The following COL18A1 variants were observed in gnomAD, a reference collection of about 807,000 sequenced individuals.
COL18A1 encodes collagen type XVIII alpha 1 chain, also known as collagen alpha-1(XVIII) chain.
Under a neutral mutation model 168.0 loss-of-function variants are expected in COL18A1, and 133 were observed. The ratio of observed to expected loss-of-function variants is 0.79; its 90% CI spans 0.69 to 0.91. COL18A1 has a LOEUF of 0.91. COL18A1 is among the 40% of genes least tolerant of loss of function. COL18A1 has a pLI of 0.00. For missense variants in COL18A1, 2,126 were observed against 1,925.4 expected, an observed-to-expected ratio of 1.10 and a Z score of -1.95; for synonymous variants, 949 against 809.0, an observed-to-expected ratio of 1.17 and a Z score of -2.94.
At position 45,499,216 on chromosome 21, in the gene COL18A1, G is replaced by A. The variant is rs569256161; in HGVS notation, c.2683+1555G>A. 5.9e-5 allele frequency among the ~76,000 whole-genome samples: 9 copies of A among 152,332 alleles called. No individual in the cohort carries two copies. In the South Asian group the frequency reaches 1.7e-3, roughly 28 times the overall value. ...GTGGTACTCCCGTGGCCTTCAGAAC[G>A]AGGATGACATGCAGGCCAGCCACTC... On this transcript the variant is annotated intron_variant, in intron 32 of 41. Coordinates refer to ENST00000651438, the MANE Select transcript of COL18A1 (RefSeq NM_001379500.1).
chr21:45,482,726 C>T (rs1001322099), intron 14 of COL18A1, 69 bp from the exon 15 acceptor site: 20 of 1,610,356 alleles, frequency 1.2e-5, no homozygotes, highest in African/African-American at 1.3e-5. Flanking sequence ...CCTGGCAGGG[C>T]GATGTGCCTT....
At chr21:45,487,579 C>T (rs1334123423) in intron 17 of COL18A1, 70 bp downstream of exon 17, 1 of 1,587,240 alleles carries the variant, frequency 6.3e-7, no homozygotes, top group Admixed American at 1.7e-5. Flanking sequence ...GGAGAGTGTC[C>T]CTGAGAGCCA....
At chr21:45,490,793 C>G in intron 20 of COL18A1, 43 bp from the exon 21 acceptor site, 1 of 1,545,400 alleles carries the variant, frequency 6.5e-7, no homozygotes, top group Non-Finnish European at 8.8e-7. Flanking sequence ...CCAGGGGCTC[C>G]TGTTTCTGTT....
rs765035951 is a variant in COL18A1 at position 45,477,477 on chromosome 21, G to T, written c.995G>T (p.Arg332Leu). The T allele has an allele frequency of 3.7e-6, 6 of 1,610,066 alleles. No individual in the cohort carries two copies. The highest frequency in any genetic ancestry group is 5.1e-6 in the Non-Finnish European group (6 of 1,178,292). The change falls in exon 7 of 42, where the codon CGC (arginine) becomes CTC (leucine). Residue 332 changes from arginine (R) to leucine (L), a missense_variant. Coordinates refer to ENST00000651438, the MANE Select transcript of COL18A1 (RefSeq NM_001379500.1). ...GGGAGTGTCCGGACCCCTGGGGGCC[G>T]CGTGAAAGAGGTAAGGCCACCTCCC... ...WDGSVRTPGGRVKEGGLKGQK... is the reference protein window; with the variant it reads ...WDGSVRTPGGLVKEGGLKGQK...
chr21:45,467,200 C>G, intron 2 of COL18A1: 1 of 975,996 alleles, frequency 1.0e-6, no homozygotes, highest in Non-Finnish European at 1.2e-6. Flanking sequence ...GCCCCCCTCC[C>G]GTGGGCAGGA....
rs547229026 is a variant in COL18A1, at chr21:45,504,571, G to A, written c.2868+15G>A. ...CTGGGATTCCAGTAAGTCCCAGCCT[G>A]TGCAGGCAGAGCCCATGTCCCAGGG... On this transcript the variant is annotated intron_variant, in intron 34 of 41. Coordinates refer to ENST00000651438, the MANE Select transcript of COL18A1 (RefSeq NM_001379500.1). 2.8e-5 allele frequency: 44 copies of A among 1,564,492 alleles called. No homozygotes were observed. In the African/African-American group the frequency reaches 5.6e-4, roughly 20 times the overall value.
At chr21:45,437,184 TCACA>T (rs1427307395) in intron 2 of COL18A1, among the ~76,000 whole-genome samples, 37 of 41,532 alleles carry the variant, frequency 8.9e-4, no homozygotes, top group African/African-American at 4.6e-3. Context: ...GCACACACAC[TCACA>T]CAGACACACA....
Position 45,494,566 on chromosome 21 carries a change from C to A in COL18A1, c.2374C>A (p.Pro792Thr). Residue 792 changes from proline (P) to threonine (T), a missense_variant, in exon 27 of 42, where the codon CCC becomes ACC. Pro to Thr is a conservative substitution (Grantham distance 38). Transcript: ENST00000651438. ...TCAGGGAGAGCCGGGCTTCCGAGGACCCCCGGTAAGTCGGTCCCTGGCTTT... is the reference window on the plus strand; with the variant it reads ...TCAGGGAGAGCCGGGCTTCCGAGGAACCCCGGTAAGTCGGTCCCTGGCTTT... ...GAKGEPGFRG[P>T]PGPYGRPGYK... The A allele has an allele frequency of 6.2e-7, 1 of 1,613,232 alleles. No individual in the cohort carries two copies. Among genetic ancestry groups the A allele is most frequent in the Non-Finnish European group, 8.5e-7 (1 of 1,179,976 alleles).
rs1013244908 is a variant in COL18A1, at chr21:45,498,423, G to A, written c.2683+762G>A. Reference sequence around the variant, plus strand: ...CTCGCCGCCAGGGTCCCCTCTCGCCGCCACGGTCCCCTCTCGCCGCCAGGG... The same window carrying A: ...CTCGCCGCCAGGGTCCCCTCTCGCCACCACGGTCCCCTCTCGCCGCCAGGG... On this transcript the variant is annotated intron_variant, in intron 32 of 41. Transcript: ENST00000651438. The surrounding 1 kb of genome is among the most constrained non-coding windows in gnomAD (Gnocchi z 4.5). The A allele has an allele frequency of 4.2e-5, 29 of 683,020 alleles. No individual in the cohort carries two copies. Among genetic ancestry groups the A allele is most frequent in the Middle Eastern group, 3.6e-4 (1 of 2,748 alleles). The allele number at this position is 683,020 out of a possible 1,614,324, so 42.3% of individuals were successfully genotyped here.
intron 2 of COL18A1, among the ~76,000 whole-genome samples, chr21:45,414,235 G>C (rs1328360649): frequency 6.6e-6 from 1 of 152,184 alleles, no homozygotes; most frequent in Non-Finnish European, 1.5e-5. Flanking sequence ...GGCAGGCAGT[G>C]TTGCTGCTGA....
At position 45,498,541 on chromosome 21, in the gene COL18A1, T is replaced by G; in HGVS notation, c.2683+880T>G. 1 of 716,804 alleles carries G rather than the reference T, an allele frequency of 1.4e-6. No homozygotes were observed. The highest frequency in any genetic ancestry group is 1.5e-5 in the South Asian group (1 of 67,568). The allele number at this position is 716,804 out of a possible 1,614,324, so 44.4% of individuals were successfully genotyped here. ...AGGAGGCCGCCATACCTGCTCTTGC[T>G]GGGGCTGCACTCTGGGGTGGGAAGG... On this transcript the variant is annotated intron_variant, in intron 32 of 41. Transcript: ENST00000651438. The surrounding 1 kb of genome is among the most constrained non-coding windows in gnomAD (Gnocchi z 4.5).
chr21:45,506,230 C>T lies in COL18A1; in HGVS notation c.3216+264C>T, dbSNP rs566617271. On this transcript the variant is annotated intron_variant, in intron 37 of 41. Coordinates refer to ENST00000651438, the MANE Select transcript of COL18A1 (RefSeq NM_001379500.1). ...TCCTGGTGGGTCATGTCACAGTGAA[C>T]GTTTACAAAGATAAATGTCACCTCA... 77 of 500,660 alleles carry T rather than the reference C, an allele frequency of 1.5e-4. 2 individuals are homozygous for T. Among genetic ancestry groups the T allele is most frequent in the South Asian group, 1.3e-3 (64 of 49,056 alleles). 31.0% of individuals were successfully genotyped at this position (500,660 alleles called of 1,614,324 possible).
intron 2 of COL18A1, among the ~76,000 whole-genome samples, chr21:45,455,077 C>T (rs1297082203): frequency 6.6e-6 from 1 of 152,258 alleles, no homozygotes; most frequent in Non-Finnish European, 1.5e-5. Flanking sequence ...AAGTTTCCCA[C>T]AACACAATGG....
intron 26 of COL18A1, chr21:45,494,252 C>CCCTCCAT: frequency 2.1e-6 from 1 of 477,940 alleles, no homozygotes; most frequent in Non-Finnish European, 3.8e-6. Context: ...ATGCCCTCCA[C>CCCTCCAT]CCTCCACCCT....
chr21:45,437,242 CTG>C (rs1293197669), intron 2 of COL18A1, among the ~76,000 whole-genome samples: 1 of 96,556 alleles, frequency 1.0e-5, no homozygotes, highest in Non-Finnish European at 2.0e-5. Flanking sequence ...AGGCACTCTC[CTG>C]TACACACACA....
chr21:45,466,652 G>A (rs1383783275), intron 2 of COL18A1, among the ~76,000 whole-genome samples: 2 of 152,214 alleles, frequency 1.3e-5, no homozygotes, highest in African/African-American at 2.4e-5. Flanking sequence ...TCTGAAGGGA[G>A]CCCCCAGGAG....
intron 15 of COL18A1, among the ~76,000 whole-genome samples, chr21:45,485,026 C>G (rs1331047399): frequency 6.6e-6 from 1 of 152,030 alleles, no homozygotes; most frequent in East Asian, 1.9e-4. Flanking sequence ...TTTTTGGAGA[C>G]AGAGTCTCCG....
At chr21:45,502,882 G>A (rs934737929) in intron 32 of COL18A1, 3 of 152,182 alleles carry the variant, frequency 2.0e-5, no homozygotes, top group African/African-American at 7.2e-5. Flanking sequence ...CCCCACAAGT[G>A]GATCTGCAGG....
At chr21:45,476,581 G>T in intron 6 of COL18A1, 101 bp downstream of exon 6, 10 of 1,398,968 alleles carry the variant, frequency 7.1e-6, no homozygotes, top group Non-Finnish European at 9.9e-6. Context: ...TGTATGGTGT[G>T]TGTAGTGTGT....
Sources: allele counts gnomAD v4.1 joint callset (sites outside exome capture counted in the v4.1 genomes callset), GRCh38; gene constraint gnomAD v4.1.1; non-coding constraint Gnocchi (gnomAD v3.1); transcripts MANE v1.5; gene names NCBI Gene and HGNC (gene_info 2026-07-23, HGNC 2026-07-21).